Variants in GREM2 observed in about 807,000 individuals in gnomAD.
GREM2 encodes the protein gremlin 2, DAN family BMP antagonist.
A neutral mutation model predicts 14.2 loss-of-function variants in GREM2; 11 were observed. That is an observed-to-expected ratio of 0.78 (90% CI 0.49 to 1.28). GREM2 has a LOEUF of 1.28. Ranked by LOEUF, GREM2 falls within the 50% of genes most tolerant of loss-of-function variation. GREM2 has a pLI of 0.00. For missense variants in GREM2, 210 were observed against 218.5 expected, an observed-to-expected ratio of 0.96 and a Z score of 0.24; for synonymous variants, 98 against 97.6, an observed-to-expected ratio of 1.00 and a Z score of -0.02.
chr1:240,533,124 G>T (rs1389768606), intron 1 of GREM2, among the ~76,000 whole-genome samples: 1 of 152,196 alleles, frequency 6.6e-6, no homozygotes, highest in East Asian at 1.9e-4. Flanking sequence ...AGCATTATGA[G>T]ATGTATGAGA....
intron 1 of GREM2, among the ~76,000 whole-genome samples, chr1:240,521,592 G>A (rs115066043): frequency 0.012 from 1,846 of 151,974 alleles, 29 homozygotes; most frequent in African/African-American, 0.042. Context: ...AAAAAACAAA[G>A]AAACAGGAAA....
At chr1:240,569,806 C>T (rs1207160375) in intron 1 of GREM2, among the ~76,000 whole-genome samples, 2 of 152,054 alleles carry the variant, frequency 1.3e-5, no homozygotes, top group South Asian at 2.1e-4. Context: ...ATATGACACC[C>T]AAAGCACAAA....
intron 1 of GREM2, among the ~76,000 whole-genome samples, chr1:240,560,399 T>C (rs1191700953): frequency 1.3e-5 from 2 of 152,142 alleles, no homozygotes; most frequent in Non-Finnish European, 2.9e-5. Flanking sequence ...AGGTCTCAGG[T>C]CAGAAAATGT....
At chr1:240,570,528 G>A (rs1011582311) in intron 1 of GREM2, among the ~76,000 whole-genome samples, 1 of 152,140 alleles carries the variant, frequency 6.6e-6, no homozygotes, top group African/African-American at 2.4e-5. Flanking sequence ...GTTTCAGAAA[G>A]TTGAGGAAAC....
At chr1:240,611,606 A>G (rs1016689824) in intron 1 of GREM2, among the ~76,000 whole-genome samples, 1 of 152,226 alleles carries the variant, frequency 6.6e-6, no homozygotes, top group Non-Finnish European at 1.5e-5. Context: ...ACATATTGGT[A>G]TTGACGTTAT....
intron 1 of GREM2, among the ~76,000 whole-genome samples, chr1:240,494,613 G>T (rs1163307107): frequency 2.6e-5 from 4 of 152,204 alleles, no homozygotes; most frequent in African/African-American, 9.6e-5. Flanking sequence ...TCTCCTAGTA[G>T]AAACTAATTC....
intron 1 of GREM2, among the ~76,000 whole-genome samples, chr1:240,592,102 C>T (rs1679726903): frequency 6.6e-6 from 1 of 151,920 alleles, no homozygotes; most frequent in African/African-American, 2.4e-5. Flanking sequence ...GCATTGGAAC[C>T]AAAAATACAT....
At chr1:240,541,581 T>C (rs1572390056) in intron 1 of GREM2, among the ~76,000 whole-genome samples, 2 of 152,310 alleles carry the variant, frequency 1.3e-5, no homozygotes, top group East Asian at 1.9e-4. Context: ...TTTCCCTTGA[T>C]GGATCAACTT....
intron 1 of GREM2, among the ~76,000 whole-genome samples, chr1:240,560,417 G>C (rs770900503): frequency 3.3e-5 from 5 of 152,048 alleles, no homozygotes; most frequent in Non-Finnish European, 5.9e-5. Flanking sequence ...TGTCTTCTGG[G>C]CTACACTGTA....
In GREM2 at chr1:240,562,796, TGTGA is replaced by T. The variant is rs532586630; in HGVS notation, c.-2+49084_-2+49087del. On this transcript the variant is annotated intron_variant, in intron 1 of 1. Coordinates refer to ENST00000318160, the MANE Select transcript of GREM2 (RefSeq NM_022469.4). ...GTGTGTATGAGTGTGTATGTGTGTATGTGAGTGTGTATGTGTGTATTGTGTACAC... is the reference window on the plus strand; with the variant it reads ...GTGTGTATGAGTGTGTATGTGTGTATGTGTGTATGTGTGTATTGTGTACAC... Among the ~76,000 whole-genome samples the T allele has an allele frequency of 7.5e-4, 113 of 151,674 alleles. 1 individual carries two copies. The highest frequency in any genetic ancestry group is 1.3e-3 in the Non-Finnish European group (89 of 67,898).
At chr1:240,585,955 T>C (rs1252938217) in intron 1 of GREM2, among the ~76,000 whole-genome samples, 1 of 151,330 alleles carries the variant, frequency 6.6e-6, no homozygotes, top group African/African-American at 2.4e-5. Flanking sequence ...CTCAGAACAA[T>C]TTTCCCACTT....
At chr1:240,586,882 C>A (rs1169587360) in intron 1 of GREM2, among the ~76,000 whole-genome samples, 1 of 152,240 alleles carries the variant, frequency 6.6e-6, no homozygotes, top group Admixed American at 6.5e-5. Context: ...TACTTTTCTA[C>A]TGAAAGTGAA....
intron 1 of GREM2, among the ~76,000 whole-genome samples, chr1:240,503,193 G>A (rs149778446): frequency 1.6e-4 from 24 of 152,292 alleles, no homozygotes; most frequent in Non-Finnish European, 2.9e-4. Flanking sequence ...TCTGGACTTC[G>A]TGTTCGTGAG....
intron 1 of GREM2, among the ~76,000 whole-genome samples, chr1:240,595,619 G>A (rs564667436): frequency 1.3e-4 from 20 of 152,284 alleles, no homozygotes; most frequent in Non-Finnish European, 2.6e-4. Context: ...TCAGGAATGA[G>A]GATAATGCCC....
chr1:240,519,924 T>C (rs1479067467), intron 1 of GREM2, among the ~76,000 whole-genome samples: 4 of 151,752 alleles, frequency 2.6e-5, no homozygotes, highest in Non-Finnish European at 2.9e-5. Context: ...CTACTAAAAA[T>C]ACAAAATTAG....
intron 1 of GREM2, among the ~76,000 whole-genome samples, chr1:240,563,650 C>T (rs1679117603): frequency 6.6e-6 from 1 of 152,146 alleles, no homozygotes. Flanking sequence ...GTGACTGAGT[C>T]AGTGGATGGA....
At chr1:240,587,426 G>A (rs1679620096) in intron 1 of GREM2, among the ~76,000 whole-genome samples, 1 of 151,712 alleles carries the variant, frequency 6.6e-6, no homozygotes, top group Non-Finnish European at 1.5e-5. Flanking sequence ...GGTTCAAGTG[G>A]TTCTCATGCC....
intron 1 of GREM2, among the ~76,000 whole-genome samples, chr1:240,517,489 C>T (rs17685281): frequency 0.39 from 59,911 of 152,038 alleles, 12,180 homozygotes; most frequent in East Asian, 0.72. Context: ...ACAAGGAGAA[C>T]TGAACTTCTC....
At chr1:240,496,182 C>T (rs1382102491) in intron 1 of GREM2, among the ~76,000 whole-genome samples, 1 of 152,092 alleles carries the variant, frequency 6.6e-6, no homozygotes, top group Non-Finnish European at 1.5e-5. Flanking sequence ...AGTGATCTGC[C>T]GGTCTCGGCC....
Sources: gnomAD v4.1 joint callset for allele counts (sites outside exome capture counted in the v4.1 genomes callset) on GRCh38, gnomAD v4.1.1 for gene constraint, MANE v1.5 for transcripts, NCBI Gene and HGNC (gene_info 2026-07-23, HGNC 2026-07-21) for gene names.